The following ZFHX3 variants were observed in gnomAD, a reference collection of about 807,000 sequenced individuals.
ZFHX3 encodes zinc finger homeobox 3, also known as zinc finger homeobox protein 3.
In ZFHX3, 42 loss-of-function variants were observed where a neutral mutation model predicts 279.1. That is an observed-to-expected ratio of 0.15 (90% confidence interval 0.12 to 0.19). ZFHX3 has a LOEUF of 0.19. Ranked by LOEUF, ZFHX3 falls within the 10% of genes least tolerant of loss-of-function variation. The pLI, the probability that ZFHX3 is intolerant of heterozygous loss-of-function variation, is 1.00. For synonymous variants in ZFHX3, 2,293 were observed against 1,957.8 expected, an observed-to-expected ratio of 1.17 and a Z score of -4.52; for missense variants, 4,981 against 4,754.0, an observed-to-expected ratio of 1.05 and a Z score of -1.40.
chr16:72,901,776 T>C (rs1186877235), intron 3 of ZFHX3, among the ~76,000 whole-genome samples: 1 of 152,234 alleles, frequency 6.6e-6, no homozygotes, highest in Admixed American at 6.5e-5. Context: ...GATGGCTGTA[T>C]GCAGAACGGA....
At chr16:73,248,793 G>A (rs2013389740) in intron 5 of ZFHX3, among the ~76,000 whole-genome samples, 1 of 152,064 alleles carries the variant, frequency 6.6e-6, no homozygotes, top group African/African-American at 2.4e-5. Context: ...AGTTGCATTC[G>A]ATCCTTATAT....
At chr16:73,122,855 C>G (rs1966516340) in intron 7 of ZFHX3, among the ~76,000 whole-genome samples, 2 of 152,040 alleles carry the variant, frequency 1.3e-5, no homozygotes, top group Non-Finnish European at 2.9e-5. Context: ...AGAAGGAGAG[C>G]CCAGGCTGGA....
At chr16:73,411,850 G>C (rs1316341476) in intron 3 of ZFHX3, among the ~76,000 whole-genome samples, 5 of 152,144 alleles carry the variant, frequency 3.3e-5, no homozygotes, top group African/African-American at 9.7e-5. Context: ...TGGCCTGCCT[G>C]TCTCCTTAGA....
chr16:73,241,790 CAAAAAAAAA>C (rs60214410), intron 5 of ZFHX3, among the ~76,000 whole-genome samples: 1 of 51,288 alleles, frequency 1.9e-5, no homozygotes, highest in Non-Finnish European at 3.4e-5. Context: ...AACTCCGTCT[CAAAAAAAAA>C]AAAAAAAAAA....
intron 1 of ZFHX3, among the ~76,000 whole-genome samples, chr16:72,993,091 G>C (rs1450342104): frequency 2.0e-5 from 3 of 152,196 alleles, no homozygotes; most frequent in Non-Finnish European, 4.4e-5. Context: ...AGCCGAGATC[G>C]CACCACTGCA....
chr16:73,625,836 G>T (rs116242299), intron 2 of ZFHX3, among the ~76,000 whole-genome samples: 91 of 152,222 alleles, frequency 6.0e-4, no homozygotes, highest in African/African-American at 2.1e-3. Flanking sequence ...TGTCCTCTGT[G>T]AAATAAAATT....
chr16:73,764,538 A>G (rs960908212), intron 1 of ZFHX3, among the ~76,000 whole-genome samples: 1 of 152,084 alleles, frequency 6.6e-6, no homozygotes, highest in African/African-American at 2.4e-5. Context: ...CGGCTCTGTA[A>G]ACTGATTAAA....
At chr16:72,855,282 C>A (rs1363520708) in intron 4 of ZFHX3, among the ~76,000 whole-genome samples, 2 of 152,246 alleles carry the variant, frequency 1.3e-5, no homozygotes, top group Non-Finnish European at 2.9e-5. Flanking sequence ...AATTTCCACA[C>A]CTTCAGCCAT....
intron 3 of ZFHX3, among the ~76,000 whole-genome samples, chr16:73,402,915 A>G (rs916927196): frequency 2.0e-5 from 3 of 152,136 alleles, no homozygotes; most frequent in African/African-American, 4.8e-5. Context: ...AAAACATTAC[A>G]GAGAAGTAAT....
At chr16:73,852,680 G>A (rs1265094375) in intron 1 of ZFHX3, among the ~76,000 whole-genome samples, 1 of 152,086 alleles carries the variant, frequency 6.6e-6, no homozygotes, top group Non-Finnish European at 1.5e-5. Context: ...TTTCTCCTAG[G>A]AAGACTGAGC....
At chr16:73,308,057 G>C (rs2015223306) in intron 4 of ZFHX3, among the ~76,000 whole-genome samples, 1 of 151,706 alleles carries the variant, frequency 6.6e-6, no homozygotes, top group Non-Finnish European at 1.5e-5. Context: ...CAGCCAAAGA[G>C]GGGGAAAAGG....
At position 73,631,923 on chromosome 16, in the gene ZFHX3, T is replaced by TCACA. The variant is rs1335020758; in HGVS notation, c.-1547+48256_-1547+48257insTGTG. 3.3e-3 allele frequency among the ~76,000 whole-genome samples: 339 copies of TCACA among 101,868 alleles called. 1 individual carries two copies. Among genetic ancestry groups the TCACA allele is most frequent in the African/African-American group, 0.011 (327 of 29,950 alleles). The allele number at this position is 101,868 out of a possible 152,430, so 66.8% of individuals were successfully genotyped here. ...TTCTCTCTCTCTCTCTCTCTCTCTCTCTCTCACACACACACACACACACAC... is the reference window on the plus strand; with the variant it reads ...TTCTCTCTCTCTCTCTCTCTCTCTCTCACACTCTCACACACACACACACACACAC... On this transcript the variant is annotated intron_variant, in intron 2 of 17. Coordinates refer to the ZFHX3 transcript ENST00000641206.
At chr16:73,729,766 G>A (rs957049113) in intron 1 of ZFHX3, among the ~76,000 whole-genome samples, 1 of 152,090 alleles carries the variant, frequency 6.6e-6, no homozygotes, top group African/African-American at 2.4e-5. Context: ...CTGAAGACTT[G>A]AGGGTGGTCT....
At chr16:73,562,325 G>A (rs2020382129) in intron 2 of ZFHX3, among the ~76,000 whole-genome samples, 1 of 152,174 alleles carries the variant, frequency 6.6e-6, no homozygotes, top group East Asian at 1.9e-4. Context: ...GCCGGGCGCG[G>A]TGGCTCACAC....
chr16:73,006,771 T>C (rs753887893), intron 1 of ZFHX3, among the ~76,000 whole-genome samples: 4 of 152,148 alleles, frequency 2.6e-5, no homozygotes, highest in Admixed American at 6.5e-5. Flanking sequence ...ATATCTCCCA[T>C]AGATCCCGAA....
chr16:73,510,173 C>T (rs1258015797), intron 2 of ZFHX3, among the ~76,000 whole-genome samples: 1 of 152,188 alleles, frequency 6.6e-6, no homozygotes, highest in Admixed American at 6.5e-5. Context: ...CTAAAGGCAT[C>T]ATCTAGCCAC....
intron 2 of ZFHX3, among the ~76,000 whole-genome samples, chr16:73,516,775 A>G (rs2019529241): frequency 6.6e-6 from 1 of 152,210 alleles, no homozygotes; most frequent in Non-Finnish European, 1.5e-5. Context: ...GGCCCAGAGC[A>G]GTGTCTGACA....
chr16:73,424,807 T>G (rs944500221), intron 3 of ZFHX3, among the ~76,000 whole-genome samples: 2 of 150,070 alleles, frequency 1.3e-5, no homozygotes, highest in Non-Finnish European at 3.0e-5. Context: ...AGAACTAGTA[T>G]GAACTACTGA....
chr16:73,349,654 CTCCT>C (rs2016191988), intron 3 of ZFHX3, among the ~76,000 whole-genome samples: 1 of 14,152 alleles, frequency 7.1e-5, no homozygotes, highest in Non-Finnish European at 2.1e-4. Context: ...CCCTCTCTCC[CTCCT>C]TCCCTCTCTC....
Sources: gnomAD v4.1 joint callset for allele counts (sites outside exome capture counted in the v4.1 genomes callset) on GRCh38, gnomAD v4.1.1 for gene constraint, MANE v1.5 for transcripts, NCBI Gene and HGNC (gene_info 2026-07-23, HGNC 2026-07-21) for gene names.